NRXN3: variants seen among roughly 807,000 people sequenced by gnomAD.
The protein encoded by NRXN3 is neurexin III.
A neutral mutation model predicts 137.6 loss-of-function variants in NRXN3; 32 were observed. The observed-to-expected ratio is 0.23, with a 90% CI of 0.18 to 0.31. The LOEUF (loss-of-function observed/expected upper bound fraction) is 0.31, where lower values mean the gene tolerates loss of function less well. NRXN3 is among the 10% of genes least tolerant of loss of function. NRXN3 has a pLI of 1.00. For missense variants in NRXN3, 1,574 were observed against 2,062.5 expected (o/e 0.76, Z 4.59); for synonymous variants, 798 against 784.5 (o/e 1.02, Z -0.29).
chr14:78,862,285 T>TAGAC, intron 10 of NRXN3, among the ~76,000 whole-genome samples: 2 of 151,966 alleles, frequency 1.3e-5, no homozygotes, highest in African/African-American at 2.4e-5. Flanking sequence ...GATAGATAGA[T>TAGAC]GGAAAAAGCC....
intron 4 of NRXN3, among the ~76,000 whole-genome samples, chr14:78,312,417 T>G (rs922724834): frequency 6.6e-6 from 1 of 152,202 alleles, no homozygotes. Flanking sequence ...TGTCCCATGT[T>G]GACTATTTAT....
At chr14:79,446,463 G>A (rs1411558694) in intron 15 of NRXN3, among the ~76,000 whole-genome samples, 1 of 151,894 alleles carries the variant, frequency 6.6e-6, no homozygotes, top group African/African-American at 2.4e-5. Flanking sequence ...TTTCATATTT[G>A]TTCTATGTAT....
At chr14:79,105,744 A>T (rs377152873) in intron 15 of NRXN3, among the ~76,000 whole-genome samples, 16 of 152,304 alleles carry the variant, frequency 1.1e-4, no homozygotes, top group Admixed American at 2.0e-4. Context: ...ACAGTGGAGA[A>T]ACACAGGTTT....
intron 4 of NRXN3, among the ~76,000 whole-genome samples, chr14:78,610,035 G>GGA (rs143182887): frequency 0.036 from 5,372 of 148,444 alleles, 337 homozygotes; most frequent in African/African-American, 0.13. Context: ...AGAGAGGGAG[G>GGA]GAGAGAGAGA....
intron 5 of NRXN3, 93 bp downstream of exon 5, chr14:78,645,514 G>C: frequency 9.1e-7 from 1 of 1,093,302 alleles, no homozygotes; most frequent in South Asian, 1.8e-5. Context: ...AGGTGGAGAG[G>C]GGTGGAGATT....
intron 10 of NRXN3, among the ~76,000 whole-genome samples, chr14:78,855,038 C>G (rs1048185751): frequency 6.6e-6 from 1 of 152,008 alleles, no homozygotes; most frequent in Non-Finnish European, 1.5e-5. Flanking sequence ...GTGGCACACA[C>G]CTGTAGTCCC....
At chr14:79,788,331 G>A (rs184777336) in intron 19 of NRXN3, among the ~76,000 whole-genome samples, 104 of 152,176 alleles carry the variant, frequency 6.8e-4, no homozygotes, top group African/African-American at 2.1e-3. Context: ...CATATCACCC[G>A]TCTTACCCAA....
intron 2 of NRXN3, among the ~76,000 whole-genome samples, chr14:78,264,940 G>T (rs2071440582): frequency 1.3e-5 from 2 of 152,190 alleles, no homozygotes; most frequent in African/African-American, 4.8e-5. Context: ...CCCACTGTGT[G>T]ATAGTTAAAA....
At chr14:78,973,473 C>T (rs2099451527) in intron 14 of NRXN3, among the ~76,000 whole-genome samples, 1 of 152,110 alleles carries the variant, frequency 6.6e-6, no homozygotes, top group Admixed American at 6.5e-5. Context: ...ACACTAATGT[C>T]ATTAAAATGT....
chr14:78,346,155 C>A (rs1412625883), intron 4 of NRXN3, among the ~76,000 whole-genome samples: 2 of 152,304 alleles, frequency 1.3e-5, no homozygotes, highest in South Asian at 2.1e-4. Flanking sequence ...TCTTCTGATG[C>A]ATGATTCTCC....
chr14:78,383,468 T>G lies in NRXN3; in HGVS notation c.757+85608T>G, dbSNP rs61497912. Among the ~76,000 whole-genome samples, 1,428 of 152,328 alleles carry G rather than the reference T, an allele frequency of 9.4e-3. 22 individuals carry two copies. Among genetic ancestry groups the G allele is most frequent in the African/African-American group, 0.032 (1,344 of 41,560 alleles). ...ATCATTCTGTTGTTGGCATATTTAT[T>G]TATCTCATTATATCTATTTATCTAC... On this transcript the variant is annotated intron_variant, in intron 4 of 20. Coordinates refer to ENST00000335750, the MANE Select transcript of NRXN3 (RefSeq NM_001330195.2).
At chr14:78,470,473 T>A (rs562071618) in intron 4 of NRXN3, among the ~76,000 whole-genome samples, 1 of 152,250 alleles carries the variant, frequency 6.6e-6, no homozygotes, top group East Asian at 1.9e-4. Flanking sequence ...ATAATCCTCG[T>A]CAGTAATCAA....
At chr14:78,800,464 C>G (rs998546358) in intron 8 of NRXN3, among the ~76,000 whole-genome samples, 1 of 152,156 alleles carries the variant, frequency 6.6e-6, no homozygotes, top group African/African-American at 2.4e-5. Context: ...TGCTTCACAT[C>G]TGGATCATGT....
intron 19 of NRXN3, among the ~76,000 whole-genome samples, chr14:79,712,980 TCATCTGAAGAATG>T (rs2098809928): frequency 6.6e-6 from 1 of 152,138 alleles, no homozygotes; most frequent in African/African-American, 2.4e-5. Flanking sequence ...GAGACATTGC[TCATCTGAAGAATG>T]TTTTATTCCA....
intron 16 of NRXN3, among the ~76,000 whole-genome samples, chr14:79,507,295 G>A (rs1053946639): frequency 2.6e-4 from 39 of 152,068 alleles, no homozygotes; most frequent in Non-Finnish European, 5.3e-4. Context: ...CTATCTTTAA[G>A]TTTCATATGA....
chr14:79,788,596 G>T (rs996651417), intron 19 of NRXN3, among the ~76,000 whole-genome samples: 1 of 152,202 alleles, frequency 6.6e-6, no homozygotes. Flanking sequence ...TGCAGTGTTT[G>T]TGATTACCTT....
intron 4 of NRXN3, among the ~76,000 whole-genome samples, chr14:78,347,941 C>T (rs781039285): frequency 2.6e-5 from 4 of 152,030 alleles, no homozygotes; most frequent in Admixed American, 6.6e-5. Flanking sequence ...GTGGAGGGGG[C>T]GAGAGGGTAC....
intron 4 of NRXN3, among the ~76,000 whole-genome samples, chr14:78,355,215 C>T (rs186108121): frequency 2.9e-4 from 44 of 152,272 alleles, no homozygotes; most frequent in Middle Eastern, 3.4e-3. Context: ...GTTTCCAAAA[C>T]GCTTAGGATG....
At chr14:78,794,926 AAACAAACAAAC>A (rs1322471869) in intron 8 of NRXN3, among the ~76,000 whole-genome samples, 1 of 15,016 alleles carries the variant, frequency 6.7e-5, no homozygotes, top group African/African-American at 8.8e-5. Flanking sequence ...ACAAACAAAC[AAACAAACAAAC>A]AAAAAAAAAA....
Sources: gnomAD v4.1 joint callset for allele counts (sites outside exome capture counted in the v4.1 genomes callset) on GRCh38, gnomAD v4.1.1 for gene constraint, MANE v1.5 for transcripts, NCBI Gene and HGNC (gene_info 2026-07-23, HGNC 2026-07-21) for gene names.